Variants in GTF2IRD1 observed in about 807,000 individuals in gnomAD.
GTF2IRD1 encodes the protein general transcription factor II-I repeat domain-containing protein 1.
A neutral mutation model predicts 113.2 loss-of-function variants in GTF2IRD1; 26 were observed. The observed-to-expected ratio is 0.23, with a 90% CI of 0.17 to 0.32. The LOEUF is 0.32. Among genes scored for constraint, GTF2IRD1 ranks in the 10% least tolerant of loss-of-function variants. GTF2IRD1 has a pLI of 1.00. For missense variants in GTF2IRD1, 864 were observed against 1,280.8 expected (o/e 0.67, Z 4.97); for synonymous variants, 484 against 529.1 (o/e 0.91, Z 1.17).
chr7:74,601,006 C>T lies in GTF2IRD1; in HGVS notation c.2630-38C>T, dbSNP rs782120283. 2.5e-6 allele frequency: 4 copies of T among 1,611,906 alleles called. No homozygotes were observed. The South Asian group carries it at 4.4e-5, about 18-fold the overall frequency. ...TCAGGAGGCTGAGACAGAAAAGCCT[C>T]AGCTTCCAGTGTCAACAGCCTTTTC... On this transcript the variant is annotated intron_variant, in intron 25 of 26. Transcript: ENST00000424337.
intron 3 of GTF2IRD1, 157 bp from the exon 4 acceptor site, chr7:74,515,284 G>A (rs1796862772): frequency 7.5e-6 from 11 of 1,473,228 alleles, no homozygotes; most frequent in Non-Finnish European, 1.0e-5. Flanking sequence ...GTTGGAATAG[G>A]GCTTGCTCAC....
At chr7:74,490,234 G>C (rs1453273609) in intron 1 of GTF2IRD1, among the ~76,000 whole-genome samples, 1 of 152,152 alleles carries the variant, frequency 6.6e-6, no homozygotes, top group Admixed American at 6.6e-5. Flanking sequence ...AAAGCACTGG[G>C]ATTACAGGCG....
intron 24 of GTF2IRD1, among the ~76,000 whole-genome samples, chr7:74,593,993 T>A (rs1402069626): frequency 3.3e-5 from 5 of 151,258 alleles, no homozygotes; most frequent in East Asian, 2.0e-4. Context: ...AGGTCAGGAG[T>A]TCGAGACCAG....
rs1262575861 is a variant in GTF2IRD1 at position 74,523,225 on chromosome 7, A to G, written c.1007-846A>G. ...CAGAGTGAGACCCTGTCTGTAAAAA[A>G]GAAAAAAGGAAAAAACACAGCCAGG... On this transcript the variant is annotated intron_variant, in intron 7 of 26. Transcript: ENST00000424337. Among the ~76,000 whole-genome samples the G allele has an allele frequency of 2.7e-5, 4 of 149,660 alleles. No homozygotes were observed. In the East Asian group the frequency reaches 5.9e-4, roughly 22 times the overall value.
chr7:74,586,903 C>T (rs79409806), intron 22 of GTF2IRD1, among the ~76,000 whole-genome samples: 3 of 151,594 alleles, frequency 2.0e-5, no homozygotes, highest in South Asian at 4.2e-4. Context: ...CCAGCACTTT[C>T]GGAGGCTGCG....
chr7:74,545,196 G>A (rs1284231633), intron 15 of GTF2IRD1, among the ~76,000 whole-genome samples: 2 of 152,128 alleles, frequency 1.3e-5, no homozygotes, highest in Non-Finnish European at 2.9e-5. Context: ...TCTCAGGAAC[G>A]TGAGAATTCC....
Position 74,518,242 on chromosome 7 carries a change from C to G in GTF2IRD1, c.525C>G (p.Phe175Leu), listed in dbSNP as rs1414557906. 6.2e-7 allele frequency: 1 copy of G among 1,611,914 alleles called. No homozygotes were observed. The highest frequency in any genetic ancestry group is 8.5e-7 in the Non-Finnish European group (1 of 1,179,390). ...AGGGGCTGCCCGAAGGCCTGGCCTTCCGAAGGCCAGCCGAGTATGACCCCA... is the reference window on the plus strand; with the variant it reads ...AGGGGCTGCCCGAAGGCCTGGCCTTGCGAAGGCCAGCCGAGTATGACCCCA... ...AVQGLPEGLA[F>L]RRPAEYDPKA... The change falls in exon 5 of 27, where the codon TTC becomes TTG. Residue 175 changes from phenylalanine (F) to leucine (L), a missense_variant. Phe to Leu is a conservative substitution (Grantham distance 22, BLOSUM62 0). This residue lies in a region of GTF2IRD1 where 182 missense variants were observed against 266.6 expected (regional missense o/e 0.68). Coordinates refer to ENST00000424337, the MANE Select transcript of GTF2IRD1 (RefSeq NM_005685.4).
chr7:74,555,274 C>T lies in GTF2IRD1; in HGVS notation c.1966+51C>T. 1 of 1,566,462 alleles carries T rather than the reference C, an allele frequency of 6.4e-7. No homozygotes were observed. Among genetic ancestry groups the T allele is most frequent in the African/African-American group, 1.4e-5 (1 of 73,998 alleles). Reference sequence around the variant, plus strand: ...TGGTGTGGGCGGGCAAGGGAGGGCCCCAGGCCTCTGCCACCAGCCCCTCCT... The same window carrying T: ...TGGTGTGGGCGGGCAAGGGAGGGCCTCAGGCCTCTGCCACCAGCCCCTCCT... On this transcript the variant is annotated intron_variant, in intron 18 of 26. Transcript: ENST00000424337. The surrounding 1 kb of genome is among the most constrained non-coding windows in gnomAD (Gnocchi z 5.3).
At chr7:74,547,344 A>C in intron 17 of GTF2IRD1, 58 bp downstream of exon 17, 1 of 1,370,974 alleles carries the variant, frequency 7.3e-7, no homozygotes, top group Non-Finnish European at 1.0e-6. Flanking sequence ...ACCAAGGGGC[A>C]GGAGCAGCAC....
Position 74,589,947 on chromosome 7 carries a change from G to T in GTF2IRD1, c.2398+19G>T. The T allele has an allele frequency of 6.5e-7, 1 of 1,545,122 alleles. No individual in the cohort carries two copies. Among genetic ancestry groups the T allele is most frequent in the South Asian group, 1.1e-5 (1 of 89,530 alleles). ...AAATACGGTCAGTGCCTGTGGTCAG[G>T]GTCAGCACACCAAGCCCTCCTCCCG... On this transcript the variant is annotated intron_variant, in intron 23 of 26. Transcript: ENST00000424337.
At chr7:74,592,906 G>T (rs587759731) in intron 24 of GTF2IRD1, among the ~76,000 whole-genome samples, 2 of 151,904 alleles carry the variant, frequency 1.3e-5, no homozygotes, top group Non-Finnish European at 2.9e-5. Flanking sequence ...CGCCCTGGCT[G>T]GAGTGCAGTG....
At position 74,564,879 on chromosome 7, in the gene GTF2IRD1, C is replaced by T. The variant is rs782103095; in HGVS notation, c.2320+5224C>T. ...CTGCCTGCTCTGACATGCTGAGTGG[C>T]GGGCAGGCGTCTAGCTTGAGAGGAA... is the stretch of plus-strand genomic sequence containing the variant. On this transcript the variant is annotated intron_variant, in intron 22 of 26. Coordinates refer to ENST00000424337, the MANE Select transcript of GTF2IRD1 (RefSeq NM_005685.4). Among the ~76,000 whole-genome samples the T allele has an allele frequency of 2.4e-4, 36 of 152,148 alleles. 1 individual carries two copies. The highest frequency in any genetic ancestry group is 5.9e-4 in the Admixed American group (9 of 15,280).
intron 1 of GTF2IRD1, among the ~76,000 whole-genome samples, chr7:74,502,475 G>T (rs1179822725): frequency 6.6e-6 from 1 of 152,174 alleles, no homozygotes; most frequent in African/African-American, 2.4e-5. Flanking sequence ...GGCCCTGAGC[G>T]CCAGGTGCAG....
chr7:74,596,760 C>A (rs1426918070), intron 25 of GTF2IRD1, among the ~76,000 whole-genome samples: 5 of 152,198 alleles, frequency 3.3e-5, no homozygotes, highest in Non-Finnish European at 7.3e-5. Flanking sequence ...TTGAAACCAA[C>A]CTGGGCAACG....
At chr7:74,523,967 G>A (rs1182108733) in intron 7 of GTF2IRD1, 104 bp from the exon 8 acceptor site, 28 of 760,798 alleles carry the variant, frequency 3.7e-5, no homozygotes, top group African/African-American at 1.4e-4. Flanking sequence ...GGCTGGGGCC[G>A]GCCTCGGGGG....
chr7:74,462,857 G>A (rs1481315789), intron 1 of GTF2IRD1, among the ~76,000 whole-genome samples: 2 of 152,190 alleles, frequency 1.3e-5, no homozygotes, highest in African/African-American at 2.4e-5. Flanking sequence ...CTGCCCTCCG[G>A]GCCTCTGGCC....
chr7:74,483,865 A>T (rs1794878266), intron 1 of GTF2IRD1, among the ~76,000 whole-genome samples: 1 of 152,094 alleles, frequency 6.6e-6, no homozygotes, highest in Non-Finnish European at 1.5e-5. Flanking sequence ...TTTAAAAAAA[A>T]AAAAATCTTA....
rs954168066 is a variant in GTF2IRD1, at chr7:74,520,127, C to T, written c.916+408C>T. Among the ~76,000 whole-genome samples the T allele has an allele frequency of 2.9e-5, 4 of 139,096 alleles. 1 individual carries two copies. The South Asian group carries it at 6.7e-4, about 23-fold the overall frequency. The allele number at this position is 139,096 out of a possible 152,430, so 91.3% of individuals were successfully genotyped here. On this transcript the variant is annotated intron_variant, in intron 6 of 26. Transcript: ENST00000424337. ...AAAAAAAAAAAAAAAAAAGCACCAGCGATATTTCAGGTGTCAAAGGTGGGA... is the reference window on the plus strand; with the variant it reads ...AAAAAAAAAAAAAAAAAAGCACCAGTGATATTTCAGGTGTCAAAGGTGGGA...
At position 74,596,183 on chromosome 7, in the gene GTF2IRD1, C is replaced by T. The variant is rs139920358; in HGVS notation, c.2629+1132C>T. 4.0e-3 allele frequency among the ~76,000 whole-genome samples: 613 copies of T among 152,098 alleles called. 7 individuals are homozygous for T. Among genetic ancestry groups the T allele is most frequent in the African/African-American group, 0.014 (573 of 41,510 alleles). The stretch of plus-strand genomic sequence containing the variant: ...CAACTGAAAATAGAAAAATCAGGGC[C>T]GGGCGCGGTGGCTCACGCGTGTAAT... On this transcript the variant is annotated intron_variant, in intron 25 of 26. Transcript: ENST00000424337.
Sources: allele counts gnomAD v4.1 joint callset (sites outside exome capture counted in the v4.1 genomes callset), GRCh38; gene constraint gnomAD v4.1.1; regional missense constraint gnomAD v4.1.1; non-coding constraint Gnocchi (gnomAD v3.1); transcripts MANE v1.5; gene names NCBI Gene and HGNC (gene_info 2026-07-23, HGNC 2026-07-21).